RPH3A: variants seen among roughly 807,000 people sequenced by gnomAD.
RPH3A encodes the protein rabphilin-3A.
RPH3A carries 48 observed loss-of-function variants against 102.2 expected under a neutral mutation model. The ratio of observed to expected loss-of-function variants is 0.47; its 90% CI spans 0.37 to 0.60. RPH3A has a LOEUF of 0.60. RPH3A is among the 20% of genes least tolerant of loss of function. The pLI is 0.00. For synonymous variants in RPH3A, 310 were observed against 324.3 expected, an observed-to-expected ratio of 0.96 and a Z score of 0.47; for missense variants, 781 against 910.1, an observed-to-expected ratio of 0.86 and a Z score of 1.83.
intron 8 of RPH3A, 180 bp from the exon 9 acceptor site, chr12:112,869,579 A>G: frequency 1.6e-6 from 1 of 636,652 alleles, no homozygotes. Flanking sequence ...GTGCATGCAA[A>G]AAAAAATGTG....
At chr12:112,884,793 GA>G (rs2042977906) in intron 16 of RPH3A, among the ~76,000 whole-genome samples, 1 of 152,172 alleles carries the variant, frequency 6.6e-6, no homozygotes, top group African/African-American at 2.4e-5. Context: ...ACAGATTGAT[GA>G]ATTTTCACAA....
chr12:112,820,042 C>T (rs958555759), intron 2 of RPH3A, among the ~76,000 whole-genome samples: 7 of 152,196 alleles, frequency 4.6e-5, no homozygotes, highest in Non-Finnish European at 7.3e-5. Context: ...AAAGGGAAGA[C>T]ATGGGGCTAT....
intron 1 of RPH3A, among the ~76,000 whole-genome samples, chr12:112,655,985 C>T (rs556737232): frequency 6.6e-6 from 1 of 152,136 alleles, no homozygotes; most frequent in Non-Finnish European, 1.5e-5. Flanking sequence ...GCCTAGTGAG[C>T]AACAACCATC....
chr12:112,835,317 C>T (rs1463139317), intron 3 of RPH3A, among the ~76,000 whole-genome samples: 1 of 152,128 alleles, frequency 6.6e-6, no homozygotes, highest in East Asian at 1.9e-4. Context: ...AAGTGTGTCT[C>T]TGTAAGATAA....
intron 2 of RPH3A, among the ~76,000 whole-genome samples, chr12:112,825,552 A>G (rs1016145654): frequency 2.0e-5 from 3 of 151,972 alleles, no homozygotes; most frequent in African/African-American, 4.8e-5. Flanking sequence ...TCTTGGTGGG[A>G]CCTTCAGAGG....
At chr12:112,614,308 T>G (rs1189055743) in intron 1 of RPH3A, among the ~76,000 whole-genome samples, 1 of 152,174 alleles carries the variant, frequency 6.6e-6, no homozygotes, top group East Asian at 1.9e-4. Context: ...TGAGCCTCAA[T>G]TCCATCATCT....
At chr12:112,595,819 C>T (rs2039512325) in intron 1 of RPH3A, among the ~76,000 whole-genome samples, 1 of 152,170 alleles carries the variant, frequency 6.6e-6, no homozygotes, top group Non-Finnish European at 1.5e-5. Flanking sequence ...GATTTCCGTC[C>T]TCCCTGGGGG....
At chr12:112,833,532 A>T (rs1372085853) in intron 3 of RPH3A, among the ~76,000 whole-genome samples, 1 of 74,726 alleles carries the variant, frequency 1.3e-5, no homozygotes, top group Admixed American at 1.1e-4. Flanking sequence ...CAGGAGTGAG[A>T]TGTTCTGGTC....
At chr12:112,849,535 T>C (rs1015202017) in intron 5 of RPH3A, among the ~76,000 whole-genome samples, 40 of 152,112 alleles carry the variant, frequency 2.6e-4, no homozygotes, top group African/African-American at 9.7e-4. Context: ...AAGCAAGAAC[T>C]CTGTTCAACC....
intron 1 of RPH3A, among the ~76,000 whole-genome samples, chr12:112,591,018 A>G (rs1006976111): frequency 1.3e-5 from 2 of 151,924 alleles, no homozygotes; most frequent in Non-Finnish European, 2.9e-5. Flanking sequence ...GAGTCTCACT[A>G]TATTGCCTAG....
At chr12:112,683,183 G>A (rs914261514) in intron 1 of RPH3A, among the ~76,000 whole-genome samples, 3 of 152,102 alleles carry the variant, frequency 2.0e-5, no homozygotes, top group Non-Finnish European at 2.9e-5. Context: ...GGGTGGTTAC[G>A]GGCCGAACTG....
intron 5 of RPH3A, 134 bp downstream of exon 5, chr12:112,847,976 A>C (rs1593077263): frequency 1.1e-6 from 1 of 888,670 alleles, no homozygotes; most frequent in Non-Finnish European, 1.7e-6. Flanking sequence ...TTACGGGGCC[A>C]CCTCCCCGCC....
At chr12:112,807,757 C>T (rs576438440) in intron 2 of RPH3A, among the ~76,000 whole-genome samples, 1 of 152,186 alleles carries the variant, frequency 6.6e-6, no homozygotes, top group Admixed American at 6.5e-5. Context: ...GTCCTTTGCA[C>T]CTTCTGTCCA....
At chr12:112,780,265 G>A (rs760482608) in intron 1 of RPH3A, among the ~76,000 whole-genome samples, 1 of 152,080 alleles carries the variant, frequency 6.6e-6, no homozygotes, top group Non-Finnish European at 1.5e-5. Context: ...TTGCATTATG[G>A]TTAGGTTTGG....
chr12:112,742,746 G>A (rs577989825), intron 1 of RPH3A, among the ~76,000 whole-genome samples: 40 of 152,284 alleles, frequency 2.6e-4, no homozygotes, highest in Non-Finnish European at 3.5e-4. Flanking sequence ...CACATGGCTT[G>A]TGTATTAGCT....
At chr12:112,891,137 A>G (rs1327403477) in intron 19 of RPH3A, 134 bp downstream of exon 19, 1 of 985,366 alleles carries the variant, frequency 1.0e-6, no homozygotes, top group Non-Finnish European at 1.5e-6. Context: ...CCAAGGTCAC[A>G]GTGAAACAAA....
rs12314608 is a variant in RPH3A, at chr12:112,604,741, C to T, written c.-140+29422C>T. 7.7e-3 allele frequency among the ~76,000 whole-genome samples: 1,166 copies of T among 152,314 alleles called. 21 individuals carry two copies. The highest frequency in any genetic ancestry group is 0.027 in the African/African-American group (1,104 of 41,568). On this transcript the variant is annotated intron_variant, in intron 1 of 21. Transcript: ENST00000543106. The stretch of plus-strand genomic sequence containing the variant: ...TGTAGTCAGAATGTAGCAGGGGCTG[C>T]CACCCTCTGAAGGCTTGACTGGGCT...
At chr12:112,686,693 C>T (rs2040266955) in intron 1 of RPH3A, among the ~76,000 whole-genome samples, 3 of 152,196 alleles carry the variant, frequency 2.0e-5, no homozygotes, top group African/African-American at 7.2e-5. Flanking sequence ...TGAGAGAGCC[C>T]AGCTGAGATC....
intron 1 of RPH3A, among the ~76,000 whole-genome samples, chr12:112,775,523 A>C (rs1333113244): frequency 6.6e-6 from 1 of 152,202 alleles, no homozygotes; most frequent in Non-Finnish European, 1.5e-5. Context: ...GAGGGTACAG[A>C]AATTGATTCA....
Sources: gnomAD v4.1 joint callset for allele counts (sites outside exome capture counted in the v4.1 genomes callset) on GRCh38, gnomAD v4.1.1 for gene constraint, MANE v1.5 for transcripts, NCBI Gene and HGNC (gene_info 2026-07-23, HGNC 2026-07-21) for gene names.